TCOF1: variants seen among roughly 807,000 people sequenced by gnomAD.
TCOF1 encodes treacle protein.
TCOF1 carries 33 observed loss-of-function variants against 149.0 expected under a neutral mutation model. The ratio of observed to expected loss-of-function variants is 0.22; its 90% CI spans 0.17 to 0.30. The LOEUF is 0.30. Among genes scored for constraint, TCOF1 ranks in the 10% least tolerant of loss-of-function variants. The pLI, the probability that TCOF1 is intolerant of heterozygous loss-of-function variation, is 1.00. For missense variants in TCOF1, 1,728 were observed against 1,840.7 expected, an observed-to-expected ratio of 0.94 and a Z score of 1.12; for synonymous variants, 789 against 738.8, an observed-to-expected ratio of 1.07 and a Z score of -1.10.
intron 22 of TCOF1, 35 bp downstream of exon 22, chr5:150,392,825 C>T (rs777119514): frequency 6.2e-7 from 1 of 1,607,952 alleles, no homozygotes; most frequent in Non-Finnish European, 8.5e-7. Flanking sequence ...AGCCCATAGG[C>T]CTTAGGGTGG....
At chr5:150,376,682 T>C in intron 14 of TCOF1, 62 bp downstream of exon 14, 1 of 1,505,572 alleles carries the variant, frequency 6.6e-7, no homozygotes, top group South Asian at 1.2e-5. Context: ...GGGCTGAGGA[T>C]GGGCTTGACT....
intron 22 of TCOF1, 182 bp downstream of exon 22, chr5:150,392,972 C>T (rs1453839230): frequency 5.5e-6 from 4 of 722,536 alleles, no homozygotes; most frequent in Non-Finnish European, 9.5e-6. Context: ...GCCAGGCTGC[C>T]TCCGTCCCCT....
intron 2 of TCOF1, 93 bp downstream of exon 2, chr5:150,361,304 G>A (rs1259195816): frequency 6.8e-7 from 1 of 1,464,686 alleles, no homozygotes; most frequent in African/African-American, 1.4e-5. Context: ...TCTAAGATCT[G>A]TCCCCATAGC....
chr5:150,393,264 T>C (rs1188682490), intron 22 of TCOF1, 108 bp from the exon 23 acceptor site: 14 of 1,374,396 alleles, frequency 1.0e-5, no homozygotes, highest in Non-Finnish European at 1.3e-5. Context: ...TAGGGCAGGG[T>C]GATCCTAGAG....
In TCOF1 at chr5:150,396,407, C is replaced by T. The variant is rs763331621; in HGVS notation, c.3910C>T (p.Pro1304Ser). ...SNITQCLLGQ[P>S]WPLNEAQVQA... ...CATCACCCAGTGCCTCCTGGGCCAA[C>T]CCTGGCCCCTGAATGAGGCCCAGGT... Residue 1304 changes from proline to serine, a missense_variant, in exon 24 of 27, where the codon CCC becomes TCC. Physicochemically the swap from Pro to Ser is moderately conservative, Grantham distance 74. This residue lies in a region of TCOF1 where 1,696 missense variants were observed against 1,765.4 expected (regional missense o/e 0.96). Transcript: ENST00000643257. 8.7e-6 allele frequency: 14 copies of T among 1,614,054 alleles called. No homozygotes were observed. The highest frequency in any genetic ancestry group is 1.1e-5 in the Non-Finnish European group (13 of 1,180,044).
rs189083025 is a variant in TCOF1 at position 150,368,045 on chromosome 5, G to A, written c.378+128G>A. The A allele has an allele frequency of 3.3e-3, 3,248 of 993,536 alleles. 13 individuals are homozygous for A. Among genetic ancestry groups the A allele is most frequent in the Admixed American group, 0.014 (661 of 48,188 alleles). 61.5% of individuals were successfully genotyped at this position (993,536 alleles called of 1,614,324 possible). A position where few individuals can be genotyped will look rare whatever the true frequency, so the allele number is the denominator to read the frequency against. The stretch of plus-strand genomic sequence containing the variant: ...CACCTGGATTCAGAGCTCAACCTGT[G>A]TCACCAGTTGTGGGATCTTAGTCCC... On this transcript the variant is annotated intron_variant, in intron 4 of 26. Coordinates refer to ENST00000643257, the MANE Select transcript of TCOF1 (RefSeq NM_001371623.1).
In TCOF1 at chr5:150,399,310, G is replaced by A. The variant is rs555193142; in HGVS notation, c.*22+240G>A. 5.3e-5 allele frequency among the ~76,000 whole-genome samples: 8 copies of A among 152,356 alleles called. No homozygotes were observed. The East Asian group carries it at 1.5e-3, about 29-fold the overall frequency. On this transcript the variant is annotated intron_variant, in intron 26 of 26. Transcript: ENST00000643257. ...GTGACACCGAGTGCACCTGGGTGCA[G>A]GGGTTGTGCATGCTTTAGGGGGTGT...
At position 150,376,402 on chromosome 5, in the gene TCOF1, C is replaced by G. The variant is rs755429921; in HGVS notation, c.2143-21C>G. 5.0e-6 allele frequency: 8 copies of G among 1,614,218 alleles called. No individual in the cohort carries two copies. In the South Asian group the frequency reaches 8.8e-5, roughly 18 times the overall value. On this transcript the variant is annotated intron_variant, in intron 13 of 26. Coordinates refer to ENST00000643257, the MANE Select transcript of TCOF1 (RefSeq NM_001371623.1). ...GTCCTTTGGACTCCTGGAGACACCTCTCTTCCCCTTGTCATCCCAGGCAAA... is the reference window on the plus strand; with the variant it reads ...GTCCTTTGGACTCCTGGAGACACCTGTCTTCCCCTTGTCATCCCAGGCAAA...
At chr5:150,391,216 T>A (rs539962475) in intron 19 of TCOF1, among the ~76,000 whole-genome samples, 3 of 152,228 alleles carry the variant, frequency 2.0e-5, no homozygotes, top group African/African-American at 7.2e-5. Flanking sequence ...TCATGCCCAA[T>A]TTCCATGCCC....
intron 2 of TCOF1, among the ~76,000 whole-genome samples, chr5:150,362,872 A>G (rs974059831): frequency 2.0e-5 from 3 of 152,116 alleles, no homozygotes; most frequent in Non-Finnish European, 4.4e-5. Context: ...GGCCCCTTCT[A>G]TGGGTGAGGG....
chr5:150,386,186 C>T (rs1197999897), intron 17 of TCOF1, among the ~76,000 whole-genome samples: 1 of 152,226 alleles, frequency 6.6e-6, no homozygotes, highest in African/African-American at 2.4e-5. Flanking sequence ...TCCTACGGCC[C>T]AGAGGCCCAG....
At chr5:150,369,422 G>A (rs1007768566) in intron 5 of TCOF1, 107 bp from the exon 6 acceptor site, 34 of 1,309,872 alleles carry the variant, frequency 2.6e-5, no homozygotes, top group South Asian at 3.6e-5. Flanking sequence ...AGGGGTGAGC[G>A]CTCAGCACCT....
rs1382500879 is a variant in TCOF1 at position 150,392,048 on chromosome 5, T to C, written c.3389T>C (p.Leu1130Pro). Reference sequence around the variant, plus strand: ...ACCAACAAGCTCAGAAAACCTAAGCTTCCTGAGGTCCAGCAGGCCACCAAA... The same window carrying C: ...ACCAACAAGCTCAGAAAACCTAAGCCTCCTGAGGTCCAGCAGGCCACCAAA... ...KGTNKLRKPK[L>P]PEVQQATKAP... Residue 1130 changes from leucine (L) to proline (P), a missense_variant, in exon 21 of 27, where the codon CTT (leucine) becomes CCT (proline). Leu to Pro is a moderately conservative substitution (Grantham distance 98). Around this residue, in one of 2 missense-constraint regions of TCOF1, gnomAD observed 1,696 missense variants for 1,765.4 expected, o/e 0.96. Coordinates refer to ENST00000643257, the MANE Select transcript of TCOF1 (RefSeq NM_001371623.1). 6.2e-7 allele frequency: 1 copy of C among 1,614,236 alleles called. No homozygotes were observed. Among genetic ancestry groups the C allele is most frequent in the East Asian group, 2.2e-5 (1 of 44,888 alleles).
rs56782150 is a variant in TCOF1, at chr5:150,369,399, T to C, written c.566-130T>C. ...GAAGGGGGCTTCACAGCTCAGTGCA[T>C]GTGAGGCACACGAGGGGTGAGCGCT... On this transcript the variant is annotated intron_variant, in intron 5 of 26. Transcript: ENST00000643257. The C allele has an allele frequency of 2.5e-3, 2,463 of 1,004,024 alleles. 45 individuals are homozygous for C. The African/African-American group carries it at 0.031, about 13-fold the overall frequency. 62.2% of individuals were successfully genotyped at this position (1,004,024 alleles called of 1,614,324 possible).
At position 150,361,176 on chromosome 5, in the gene TCOF1, C is replaced by T. The variant is rs753008654; in HGVS notation, c.129C>T (p.Pro43=). Residue 43 remains proline, a synonymous_variant, in exon 2 of 27, where the codon CCC becomes CCT. Transcript: ENST00000643257. ...QSGQKCFLAQ[P]VTLLDIYTHW... Reference sequence around the variant, plus strand: ...TGCAGAAGTGTTTCCTGGCTCAGCCCGTAACCCTTCTGGACATCTATACAC... The same window carrying T: ...TGCAGAAGTGTTTCCTGGCTCAGCCTGTAACCCTTCTGGACATCTATACAC... The T allele has an allele frequency of 1.2e-5, 20 of 1,614,082 alleles. No individual in the cohort carries two copies. Among genetic ancestry groups the T allele is most frequent in the African/African-American group, 4.0e-5 (3 of 74,928 alleles).
intron 7 of TCOF1, among the ~76,000 whole-genome samples, chr5:150,373,415 A>G (rs1762981860): frequency 6.6e-6 from 1 of 152,242 alleles, no homozygotes; most frequent in Non-Finnish European, 1.5e-5. Flanking sequence ...TAGCCAAGCA[A>G]GACCTGTGTG....
At position 150,372,029 on chromosome 5, in the gene TCOF1, C is replaced by G; in HGVS notation, c.663C>G (p.Ala221=). The change falls in exon 7 of 27, where the codon GCC becomes GCG. Residue 221 remains alanine, a synonymous_variant. Transcript: ENST00000643257. ...DVEGKPSVKP[A]QVKASSVSTK... ...AGGGGAAACCCTCAGTAAAACCAGC[C>G]CAGGTCAAAGCCTCATCAGTTTCTA... is the stretch of plus-strand genomic sequence containing the variant. 6.2e-7 allele frequency: 1 copy of G among 1,614,178 alleles called. No homozygotes were observed. The highest frequency in any genetic ancestry group is 8.5e-7 in the Non-Finnish European group (1 of 1,180,018).
chr5:150,369,668 G>T, intron 6 of TCOF1, 66 bp downstream of exon 6: 1 of 1,556,308 alleles, frequency 6.4e-7, no homozygotes, highest in Admixed American at 1.7e-5. Flanking sequence ...AACCTGTCTG[G>T]GGCTTCAGAC....
chr5:150,393,719 AAAGTGCAGGTGGGGCC>A, intron 23 of TCOF1, 167 bp downstream of exon 23: 1 of 928,358 alleles, frequency 1.1e-6, no homozygotes, highest in Non-Finnish European at 1.6e-6. Flanking sequence ...GATGCTCATC[AAAGTGCAGGTGGGGCC>A]AGGTGCAGTG....
Sources: allele counts gnomAD v4.1 joint callset (sites outside exome capture counted in the v4.1 genomes callset), GRCh38; gene constraint gnomAD v4.1.1; regional missense constraint gnomAD v4.1.1; transcripts MANE v1.5; gene names NCBI Gene and HGNC (gene_info 2026-07-23, HGNC 2026-07-21).